Variants in ARHGEF26 observed in about 807,000 individuals in gnomAD.
ARHGEF26 encodes the protein Rho guanine nucleotide exchange factor 26.
In ARHGEF26, 59 loss-of-function variants were observed where a neutral mutation model predicts 89.4. The ratio of observed to expected loss-of-function variants is 0.66; its 90% CI spans 0.54 to 0.82. The LOEUF (loss-of-function observed/expected upper bound fraction) is 0.82, where lower values mean the gene tolerates loss of function less well. Ranked by LOEUF, ARHGEF26 falls within the 40% of genes least tolerant of loss-of-function variation. The pLI is 0.00. For missense variants in ARHGEF26, 1,234 were observed against 1,085.6 expected (o/e 1.14, Z -1.92); for synonymous variants, 500 against 428.4 (o/e 1.17, Z -2.06).
chr3:154,212,446 A>G (rs1004545714), intron 9 of ARHGEF26, among the ~76,000 whole-genome samples: 5 of 152,286 alleles, frequency 3.3e-5, no homozygotes, highest in Middle Eastern at 3.4e-3. Context: ...TATCACTTAA[A>G]GGTGACTACT....
At chr3:154,230,694 A>G (rs1202728238) in intron 11 of ARHGEF26, among the ~76,000 whole-genome samples, 2 of 152,202 alleles carry the variant, frequency 1.3e-5, no homozygotes, top group Non-Finnish European at 2.9e-5. Flanking sequence ...CATTTAAGAC[A>G]GGAGATTTCT....
Position 154,255,508 on chromosome 3 carries a change from CACG to C in ARHGEF26, c.*38_*40del. ...TGGTCTTTTGTTACTGCAAGATTTG[CACG>C]ACACTTACCGGGCTGGTTGGTTCTG... On this transcript the variant is annotated 3_prime_UTR_variant, in exon 15 of 15. Coordinates refer to ENST00000465093, the MANE Select transcript of ARHGEF26 (RefSeq NM_015595.4). 3 of 1,598,968 alleles carry C rather than the reference CACG, an allele frequency of 1.9e-6. No individual in the cohort carries two copies. The highest frequency in any genetic ancestry group is 2.6e-6 in the Non-Finnish European group (3 of 1,173,152).
intron 7 of ARHGEF26, among the ~76,000 whole-genome samples, 159 bp downstream of exon 7, chr3:154,187,996 G>C (rs1291949085): frequency 6.6e-6 from 1 of 152,126 alleles, no homozygotes; most frequent in Non-Finnish European, 1.5e-5. Context: ...TTTAGGGTGA[G>C]GGTGTTTAAG....
At chr3:154,126,547 A>G (rs1246395744) in intron 3 of ARHGEF26, among the ~76,000 whole-genome samples, 1 of 152,168 alleles carries the variant, frequency 6.6e-6, no homozygotes, top group African/African-American at 2.4e-5. Context: ...TGTCTAATCT[A>G]AGCAAGTCTT....
intron 4 of ARHGEF26, 84 bp from the exon 5 acceptor site, chr3:154,149,305 G>T (rs1454335885): frequency 3.0e-6 from 3 of 994,796 alleles, no homozygotes; most frequent in South Asian, 1.7e-5. Context: ...TTTTTGAAGG[G>T]CATAGAGTTA....
At chr3:154,184,558 A>G (rs1426737603) in intron 6 of ARHGEF26, among the ~76,000 whole-genome samples, 1 of 152,168 alleles carries the variant, frequency 6.6e-6, no homozygotes, top group Non-Finnish European at 1.5e-5. Context: ...CCGGGTGGAA[A>G]CCTTGACCAG....
chr3:154,233,172 A>C (rs1716917899), intron 11 of ARHGEF26, among the ~76,000 whole-genome samples: 1 of 151,858 alleles, frequency 6.6e-6, no homozygotes, highest in Admixed American at 6.6e-5. Context: ...TCATGGCTCT[A>C]CTCTTACCTG....
chr3:154,201,355 G>A (rs1376141534), intron 9 of ARHGEF26, among the ~76,000 whole-genome samples: 29 of 151,756 alleles, frequency 1.9e-4, no homozygotes, highest in African/African-American at 3.4e-4. Flanking sequence ...ATGGCTGCAT[G>A]GTATTCCATG....
At chr3:154,171,087 T>C (rs1412861181) in intron 6 of ARHGEF26, among the ~76,000 whole-genome samples, 4 of 152,174 alleles carry the variant, frequency 2.6e-5, no homozygotes, top group Non-Finnish European at 5.9e-5. Flanking sequence ...TTATTTTGTG[T>C]TTTTGCTCAG....
At chr3:154,214,696 T>C (rs1307334728) in intron 9 of ARHGEF26, among the ~76,000 whole-genome samples, 2 of 152,144 alleles carry the variant, frequency 1.3e-5, no homozygotes, top group African/African-American at 2.4e-5. Flanking sequence ...TTGGGAGCTA[T>C]GAACACATTC....
At chr3:154,250,711 G>T (rs1267052139) in intron 12 of ARHGEF26, among the ~76,000 whole-genome samples, 1 of 152,144 alleles carries the variant, frequency 6.6e-6, no homozygotes, top group Non-Finnish European at 1.5e-5. Flanking sequence ...ATTTGTTTCA[G>T]TATGGCATAG....
intron 6 of ARHGEF26, among the ~76,000 whole-genome samples, chr3:154,174,085 G>A (rs1219214478): frequency 1.3e-5 from 2 of 152,094 alleles, no homozygotes; most frequent in Non-Finnish European, 2.9e-5. Flanking sequence ...CTCTCTACAG[G>A]GAGACAAGTT....
At chr3:154,164,349 G>A (rs1162470854) in intron 6 of ARHGEF26, among the ~76,000 whole-genome samples, 1 of 151,732 alleles carries the variant, frequency 6.6e-6, no homozygotes, top group Non-Finnish European at 1.5e-5. Flanking sequence ...TTAAGGATGT[G>A]GATTAAATCA....
Position 154,256,128 on chromosome 3 carries a change from C to T in ARHGEF26, c.*655C>T. On this transcript the variant is annotated 3_prime_UTR_variant, in exon 15 of 15. Coordinates refer to ENST00000465093, the MANE Select transcript of ARHGEF26 (RefSeq NM_015595.4). Reference sequence around the variant, plus strand: ...ATTTTTAAAAAAAAATCCATCTCACCCCATATTGTTCTTAAATAAGTATAG... The same window carrying T: ...ATTTTTAAAAAAAAATCCATCTCACTCCATATTGTTCTTAAATAAGTATAG... 1 of 985,082 alleles carries T rather than the reference C, an allele frequency of 1.0e-6. No homozygotes were observed. The highest frequency in any genetic ancestry group is 1.1e-4 in the East Asian group (1 of 8,784). 61.0% of individuals were successfully genotyped at this position (985,082 alleles called of 1,614,324 possible). A position where few individuals can be genotyped will look rare whatever the true frequency, so the allele number is the denominator to read the frequency against.
In ARHGEF26 at chr3:154,129,818, T is replaced by C. The variant is rs540647263; in HGVS notation, c.1269+99T>C. ...TTGTTCTTTTCTGCCAGTGATCCTGTAACTAAGGAGAAAGACTCTTTTTAG... is the reference window on the plus strand; with the variant it reads ...TTGTTCTTTTCTGCCAGTGATCCTGCAACTAAGGAGAAAGACTCTTTTTAG... On this transcript the variant is annotated intron_variant, in intron 4 of 14. Transcript: ENST00000465093. The C allele has an allele frequency of 2.3e-6, 3 of 1,326,058 alleles. No homozygotes were observed. The South Asian group carries it at 4.5e-5, about 20-fold the overall frequency. 82.1% of individuals were successfully genotyped at this position (1,326,058 alleles called of 1,614,324 possible).
At chr3:154,142,896 G>A (rs1380265966) in intron 4 of ARHGEF26, among the ~76,000 whole-genome samples, 4 of 152,146 alleles carry the variant, frequency 2.6e-5, no homozygotes, top group African/African-American at 7.2e-5. Flanking sequence ...CTATTGCTCA[G>A]TTTGGACTTG....
At chr3:154,125,679 C>G (rs923666507) in intron 3 of ARHGEF26, among the ~76,000 whole-genome samples, 1 of 152,064 alleles carries the variant, frequency 6.6e-6, no homozygotes, top group Non-Finnish European at 1.5e-5. Flanking sequence ...TTTTTGAAGT[C>G]AGAGAGTAGA....
chr3:154,205,150 C>T (rs1011100976), intron 9 of ARHGEF26, among the ~76,000 whole-genome samples: 5 of 152,054 alleles, frequency 3.3e-5, no homozygotes, highest in African/African-American at 1.2e-4. Context: ...CTTTCTTTAC[C>T]TTTAATAATA....
chr3:154,244,731 G>T (rs1717692391), intron 12 of ARHGEF26, among the ~76,000 whole-genome samples: 1 of 146,520 alleles, frequency 6.8e-6, no homozygotes, highest in Non-Finnish European at 1.5e-5. Context: ...TATATACATG[G>T]TCCAACTCTC....
Sources: gnomAD v4.1 joint callset for allele counts (sites outside exome capture counted in the v4.1 genomes callset) on GRCh38, gnomAD v4.1.1 for gene constraint, MANE v1.5 for transcripts, NCBI Gene and HGNC (gene_info 2026-07-23, HGNC 2026-07-21) for gene names.